Variants in SAP130 observed in about 807,000 individuals in gnomAD.
The protein encoded by SAP130 is Sin3A associated protein 130, also known as histone deacetylase complex subunit SAP130.
In SAP130, 16 loss-of-function variants were observed where a neutral mutation model predicts 103.2. That is an observed-to-expected ratio of 0.16 (90% CI 0.10 to 0.24). The LOEUF is 0.24. Among genes scored for constraint, SAP130 ranks in the 10% least tolerant of loss-of-function variants. The probability of loss-of-function intolerance (pLI) is 1.00; values close to 1 mark genes in which losing one functional copy is unlikely to be tolerated. For synonymous variants in SAP130, 477 were observed against 497.0 expected (o/e 0.96, Z 0.53); for missense variants, 990 against 1,359.7 (o/e 0.73, Z 4.28).
At chr2:127,987,677 C>T (rs748725670) in intron 13 of SAP130, among the ~76,000 whole-genome samples, 4 of 152,066 alleles carry the variant, frequency 2.6e-5, no homozygotes, top group African/African-American at 9.7e-5. Context: ...AGGCTTAATA[C>T]AAGAGCCACA....
At chr2:127,997,145 G>A (rs138621952) in intron 10 of SAP130, among the ~76,000 whole-genome samples, 1 of 152,194 alleles carries the variant, frequency 6.6e-6, no homozygotes. Context: ...TAATACTTTA[G>A]AGCAAAATTA....
At position 128,013,044 on chromosome 2, in the gene SAP130, G is replaced by T; in HGVS notation, c.730C>A (p.His244Asn). ...CTCCGACGTGCCTGGATTGGTTGGTGAATGATGTGCTGTACTGCTGGCTGA... is the reference window on the plus strand; with the variant it reads ...CTCCGACGTGCCTGGATTGGTTGGTTAATGATGTGCTGTACTGCTGGCTGA... ...TAQPAVQHII[H>N]QPIQSRPPVT... Residue 244 changes from histidine to asparagine, a missense_variant, in exon 6 of 21, where the codon CAC becomes AAC. By Grantham distance (68) the His-to-Asn change is moderately conservative. Transcript: ENST00000643581. 2 of 1,610,366 alleles carry T rather than the reference G, an allele frequency of 1.2e-6. No homozygotes were observed. The highest frequency in any genetic ancestry group is 1.7e-6 in the Non-Finnish European group (2 of 1,178,316).
At chr2:128,007,388 C>T (rs1684052662) in intron 7 of SAP130, among the ~76,000 whole-genome samples, 1 of 152,192 alleles carries the variant, frequency 6.6e-6, no homozygotes. Flanking sequence ...TACTATGCTA[C>T]TTTATATGAA....
chr2:128,019,322 G>A (rs1015569262), intron 2 of SAP130, among the ~76,000 whole-genome samples: 25 of 151,778 alleles, frequency 1.6e-4, no homozygotes, highest in African/African-American at 5.6e-4. Flanking sequence ...AGGCTGTAAC[G>A]AAGTCACAGG....
At chr2:127,991,438 C>CA (rs139956385) in intron 12 of SAP130, among the ~76,000 whole-genome samples, 10,854 of 152,122 alleles carry the variant, frequency 0.071, 494 homozygotes, top group Middle Eastern at 0.15. Context: ...CTCCTGGGGC[C>CA]AAGCAATCCT....
At chr2:127,984,413 C>T (rs181023576) in intron 14 of SAP130, among the ~76,000 whole-genome samples, 317 of 152,336 alleles carry the variant, frequency 2.1e-3, no homozygotes, top group Non-Finnish European at 3.1e-3. Context: ...TTAGAGGTCC[C>T]CTCAGATATG....
At chr2:128,014,685 G>A in intron 5 of SAP130, 118 bp downstream of exon 5, 1 of 739,346 alleles carries the variant, frequency 1.4e-6, no homozygotes, top group Non-Finnish European at 2.3e-6. Context: ...CGGTTCTGCA[G>A]ACTGTTGTTC....
Position 127,941,759 on chromosome 2 carries a change from C to A in SAP130, c.*247G>T. On this transcript the variant is annotated 3_prime_UTR_variant, in exon 21 of 21. Coordinates refer to ENST00000643581, the MANE Select transcript of SAP130 (RefSeq NM_001330301.2). The stretch of plus-strand genomic sequence containing the variant: ...TCCAACTGGTGGACACTGATGCATC[C>A]GGAGTCACTTATGACACAGATCAGG... 2.1e-6 allele frequency: 1 copy of A among 485,390 alleles called. No individual in the cohort carries two copies. The allele number at this position is 485,390 out of a possible 1,614,324, so 30.1% of individuals were successfully genotyped here.
At chr2:127,947,754 T>TTGTGTGTG (rs1491251653) in intron 18 of SAP130, among the ~76,000 whole-genome samples, 1 of 28,640 alleles carries the variant, frequency 3.5e-5, no homozygotes. Context: ...TAATTTTGTA[T>TTGTGTGTG]TGTGTGTGTC....
chr2:127,977,857 A>C, intron 15 of SAP130, 128 bp downstream of exon 15: 1 of 701,354 alleles, frequency 1.4e-6, no homozygotes, highest in Non-Finnish European at 2.5e-6. Context: ...GCGGCTGAGA[A>C]TAGCCACTGC....
At chr2:127,966,529 C>G (rs1680670687) in intron 15 of SAP130, among the ~76,000 whole-genome samples, 1 of 151,680 alleles carries the variant, frequency 6.6e-6, no homozygotes, top group Non-Finnish European at 1.5e-5. Context: ...ATGGTGAAAC[C>G]CTGTCTCTAC....
chr2:127,955,380 G>A lies in SAP130; in HGVS notation c.2064-36C>T, dbSNP rs1559037594. On this transcript the variant is annotated intron_variant, in intron 15 of 20. Transcript: ENST00000643581. This position sits in a 1 kb window ranked among gnomAD's most constrained non-coding sequence, Gnocchi z 4.9. The stretch of plus-strand genomic sequence containing the variant: ...AAAGAAAAGCACATGTAGCAAATAA[G>A]AAAAAAACTGCCTTCATCTACAACA... 2.8e-6 allele frequency: 4 copies of A among 1,416,056 alleles called. No homozygotes were observed. The highest frequency in any genetic ancestry group is 4.4e-5 in the Admixed American group (2 of 45,226). The allele number at this position is 1,416,056 out of a possible 1,614,324, so 87.7% of individuals were successfully genotyped here. A position where few individuals can be genotyped will look rare whatever the true frequency, so the allele number is the denominator to read the frequency against.
intron 15 of SAP130, among the ~76,000 whole-genome samples, chr2:127,958,647 A>T (rs1680014411): frequency 2.5e-5 from 1 of 39,326 alleles, no homozygotes; most frequent in Admixed American, 3.0e-4. Flanking sequence ...AGAGAGAGAG[A>T]GAGAGAGAGA....
chr2:127,968,414 G>GTTTTTT (rs772856433), intron 15 of SAP130, among the ~76,000 whole-genome samples: 1 of 133,968 alleles, frequency 7.5e-6, no homozygotes. Context: ...CCCGGAGTTG[G>GTTTTTT]TTTTTTTTTT....
chr2:128,025,482 G>A (rs984290097), intron 2 of SAP130, among the ~76,000 whole-genome samples: 1 of 152,172 alleles, frequency 6.6e-6, no homozygotes, highest in East Asian at 1.9e-4. Flanking sequence ...TGGGTTCCCT[G>A]ATGTGAATTC....
rs545255051 is a variant in SAP130 at position 127,967,544 on chromosome 2, A to G, written c.2063+10441T>C. ...CTCCCGAGTAGCTGGGATTACAAGC[A>G]TCCACCACCATGCGCAGCTAATTTT... On this transcript the variant is annotated intron_variant, in intron 15 of 20. Transcript: ENST00000643581. Among the ~76,000 whole-genome samples, 8 of 152,306 alleles carry G rather than the reference A, an allele frequency of 5.3e-5. No individual in the cohort carries two copies. The South Asian group carries it at 1.5e-3, about 28-fold the overall frequency.
At chr2:128,002,513 CGCAAGA>C (rs1683636478) in intron 7 of SAP130, among the ~76,000 whole-genome samples, 1 of 151,374 alleles carries the variant, frequency 6.6e-6, no homozygotes, top group Non-Finnish European at 1.5e-5. Flanking sequence ...TGGGTGACAG[CGCAAGA>C]GTCTGTCTCA....
At chr2:127,969,383 C>T (rs1680905004) in intron 15 of SAP130, among the ~76,000 whole-genome samples, 1 of 152,184 alleles carries the variant, frequency 6.6e-6, no homozygotes. Flanking sequence ...TAGCACAAGT[C>T]AAGTTCAGCA....
intron 15 of SAP130, among the ~76,000 whole-genome samples, chr2:127,968,419 T>G (rs10195292): frequency 0.74 from 99,318 of 133,324 alleles, 37,949 homozygotes; most frequent in Non-Finnish European, 0.85. Flanking sequence ...AGTTGGTTTT[T>G]TTTTTTTTTT....
Sources: allele counts gnomAD v4.1 joint callset (sites outside exome capture counted in the v4.1 genomes callset), GRCh38; gene constraint gnomAD v4.1.1; non-coding constraint Gnocchi (gnomAD v3.1); transcripts MANE v1.5; gene names NCBI Gene and HGNC (gene_info 2026-07-23, HGNC 2026-07-21).